ANKRD27: variants seen among roughly 807,000 people sequenced by gnomAD.
ANKRD27 encodes ankyrin repeat domain-containing protein 27.
In ANKRD27, 112 loss-of-function variants were observed where a neutral mutation model predicts 129.7. That is an observed-to-expected ratio of 0.86 (90% CI 0.74 to 1.01). The LOEUF (loss-of-function observed/expected upper bound fraction) is 1.01, where lower values mean the gene tolerates loss of function less well. Among genes scored for constraint, ANKRD27 ranks in the 50% least tolerant of loss-of-function variants. The pLI, the probability that ANKRD27 is intolerant of heterozygous loss-of-function variation, is 0.00. For synonymous variants in ANKRD27, 516 were observed against 511.2 expected (o/e 1.01, Z -0.13); for missense variants, 1,258 against 1,300.5 (o/e 0.97, Z 0.50).
intron 1 of ANKRD27, chr19:32,672,989 G>A (rs752123372): frequency 6.6e-6 from 1 of 152,106 alleles, no homozygotes; most frequent in African/African-American, 2.4e-5. Flanking sequence ...ACCTAATGCT[G>A]GCAAATGACA....
chr19:32,643,027 C>A, intron 9 of ANKRD27, 96 bp downstream of exon 9: 1 of 1,189,086 alleles, frequency 8.4e-7, no homozygotes, highest in Non-Finnish European at 1.2e-6. Flanking sequence ...CACATCAAAC[C>A]AGCGTGTCAC....
At chr19:32,626,113 G>A (rs1599748136) in intron 16 of ANKRD27, 147 bp from the exon 17 acceptor site, 1 of 562,470 alleles carries the variant, frequency 1.8e-6, no homozygotes, top group Non-Finnish European at 3.0e-6. Context: ...CATCATTCCT[G>A]ACACTTGAGA....
chr19:32,632,724 G>T (rs967041648), intron 12 of ANKRD27, among the ~76,000 whole-genome samples: 28 of 152,142 alleles, frequency 1.8e-4, no homozygotes, highest in Non-Finnish European at 1.0e-4. Context: ...TCCTGAAAAG[G>T]GTCTTGGTGG....
rs1392547585 is a variant in ANKRD27 at position 32,622,590 on chromosome 19, C to T, written c.1659G>A (p.Val553=). The T allele has an allele frequency of 1.2e-6, 2 of 1,613,742 alleles. No individual in the cohort carries two copies. The highest frequency in any genetic ancestry group is 2.2e-5 in the East Asian group (1 of 44,868). ...TGCCAATGTCAAGTCTGCACGACTC[C>T]ACGTCGTAGTAAACCAGAGCCTTCA... The part of the protein sequence containing the change: ...DCVKALVYYD[V]ESCRLDIGNE... The change falls in exon 18 of 29, where the codon GTG becomes GTA. Residue 553 remains valine, a synonymous_variant. Coordinates refer to ENST00000306065, the MANE Select transcript of ANKRD27 (RefSeq NM_032139.3).
chr19:32,651,355 G>A (rs752555043), intron 2 of ANKRD27, among the ~76,000 whole-genome samples: 6 of 152,052 alleles, frequency 3.9e-5, no homozygotes, highest in Non-Finnish European at 8.8e-5. Context: ...GGGCCTTCAT[G>A]TGGCCTCTGG....
intron 1 of ANKRD27, among the ~76,000 whole-genome samples, chr19:32,674,017 C>T (rs1967927271): frequency 1.3e-5 from 2 of 151,470 alleles, no homozygotes; most frequent in African/African-American, 2.4e-5. Context: ...ATTAGCCGTG[C>T]ATAGTGGCAT....
At chr19:32,617,458 G>A (rs937265928) in intron 21 of ANKRD27, 131 bp downstream of exon 21, 2 of 487,538 alleles carry the variant, frequency 4.1e-6, no homozygotes, top group Non-Finnish European at 7.5e-6. Flanking sequence ...GAGGCAAGAG[G>A]ATTGCTTGAG....
intron 12 of ANKRD27, among the ~76,000 whole-genome samples, chr19:32,631,765 C>G (rs560885164): frequency 1.1e-4 from 16 of 152,292 alleles, no homozygotes; most frequent in African/African-American, 3.8e-4. Flanking sequence ...TGTGCCATCT[C>G]CAGCGTGGAA....
chr19:32,615,937 C>T (rs1316779242), intron 21 of ANKRD27, among the ~76,000 whole-genome samples, 157 bp from the exon 22 acceptor site: 1 of 152,240 alleles, frequency 6.6e-6, no homozygotes, highest in African/African-American at 2.4e-5. Flanking sequence ...CTCATGAAGC[C>T]TTCCTCAGTC....
intron 12 of ANKRD27, chr19:32,639,046 A>T (rs994129059): frequency 2.2e-6 from 1 of 449,702 alleles, no homozygotes; most frequent in African/African-American, 2.0e-5. Flanking sequence ...TTGACTATCA[A>T]GGTCAAGAAA....
At chr19:32,607,041 G>A (rs1971753272) in intron 23 of ANKRD27, among the ~76,000 whole-genome samples, 1 of 148,976 alleles carries the variant, frequency 6.7e-6, no homozygotes, top group Admixed American at 6.7e-5. Context: ...AGGCTGAGAT[G>A]GGAGGATTGT....
In ANKRD27 at chr19:32,627,270, C is replaced by T. The variant is rs141191345; in HGVS notation, c.1421-443G>A. On this transcript the variant is annotated intron_variant, in intron 15 of 28. Coordinates refer to ENST00000306065, the MANE Select transcript of ANKRD27 (RefSeq NM_032139.3). ...CATCCACACAAGCATGCAGACACCC[C>T]AGACACTCATCAATCACAACGATCT... is the stretch of plus-strand genomic sequence containing the variant. Among the ~76,000 whole-genome samples, 1,113 of 152,282 alleles carry T rather than the reference C, an allele frequency of 7.3e-3. 15 individuals carry two copies. Among genetic ancestry groups the T allele is most frequent in the African/African-American group, 0.025 (1,039 of 41,560 alleles).
At chr19:32,600,126 C>T (rs1971630084) in intron 26 of ANKRD27, 76 bp from the exon 27 acceptor site, 2 of 1,110,706 alleles carry the variant, frequency 1.8e-6, no homozygotes, top group Non-Finnish European at 2.7e-6. Context: ...AGCACAGACA[C>T]AATCTTTCTA....
chr19:32,617,469 T>G, intron 21 of ANKRD27, 120 bp downstream of exon 21: 1 of 517,452 alleles, frequency 1.9e-6, no homozygotes, highest in Non-Finnish European at 3.5e-6. Flanking sequence ...ATTGCTTGAG[T>G]CCAGGAGTTC....
At position 32,598,229 on chromosome 19, in the gene ANKRD27, C is replaced by T. The variant is rs768195635; in HGVS notation, c.3069G>A (p.Thr1023=). Residue 1023 remains threonine, a synonymous_variant, in exon 29 of 29, where the codon ACG becomes ACA. Coordinates refer to ENST00000306065, the MANE Select transcript of ANKRD27 (RefSeq NM_032139.3). ...PGHRRMLRRH[T]VEDAVVSQGP... is the part of the protein sequence containing the mutation. The stretch of plus-strand genomic sequence containing the variant: ...CCTGGGACACGACCGCATCCTCTAC[C>T]GTGTGTCTCCGCAGCATCCGTCTGT... 1.9e-5 allele frequency: 31 copies of T among 1,614,042 alleles called. No homozygotes were observed. Among genetic ancestry groups the T allele is most frequent in the Admixed American group, 1.3e-4 (8 of 59,990 alleles).
At chr19:32,631,326 A>T (rs1044833709) in intron 13 of ANKRD27, 76 bp downstream of exon 13, 8 of 1,387,350 alleles carry the variant, frequency 5.8e-6, no homozygotes, top group Admixed American at 3.5e-5. Flanking sequence ...GCCAACCCTG[A>T]TGGATTTTAT....
At chr19:32,628,902 A>C in intron 13 of ANKRD27, 53 bp from the exon 14 acceptor site, 2 of 1,600,480 alleles carry the variant, frequency 1.2e-6, no homozygotes, top group Non-Finnish European at 1.7e-6. Context: ...CTCAATTATT[A>C]GGAGTAAATT....
chr19:32,625,833 A>AG, intron 17 of ANKRD27, 41 bp downstream of exon 17: 1 of 1,441,996 alleles, frequency 6.9e-7, no homozygotes, highest in Middle Eastern at 1.8e-4. Flanking sequence ...CGAGTGGGAA[A>AG]GGGTGAACGC....
intron 12 of ANKRD27, 92 bp from the exon 13 acceptor site, chr19:32,631,586 GCAGTAT>G (rs77305078): frequency 0.027 from 27,095 of 999,432 alleles, 500 homozygotes; most frequent in Middle Eastern, 0.043. Context: ...TCTCTTCAGA[GCAGTAT>G]CGGCTGCGCC....
Sources: allele counts gnomAD v4.1 joint callset (sites outside exome capture counted in the v4.1 genomes callset), GRCh38; gene constraint gnomAD v4.1.1; transcripts MANE v1.5; gene names NCBI Gene and HGNC (gene_info 2026-07-23, HGNC 2026-07-21).